The following PTGER4 variants were observed in gnomAD, a reference collection of about 807,000 sequenced individuals.
PTGER4 encodes prostaglandin E2 receptor EP4 subtype.
PTGER4 carries 11 observed loss-of-function variants against 33.2 expected under a neutral mutation model. The observed-to-expected ratio is 0.33, with a 90% CI of 0.21 to 0.55. PTGER4 has a LOEUF of 0.55. Among genes scored for constraint, PTGER4 ranks in the 20% least tolerant of loss-of-function variants. The pLI is 0.92. For missense variants in PTGER4, 481 were observed against 650.2 expected, an observed-to-expected ratio of 0.74 and a Z score of 2.83; for synonymous variants, 275 against 281.5, an observed-to-expected ratio of 0.98 and a Z score of 0.23.
Position 40,692,138 on chromosome 5 carries a change from T to C in PTGER4, c.1227T>C (p.Leu409=), listed in dbSNP as rs1352957154. ...LSLPDLSENG[L]GGRNLLPGVP... is the part of the protein sequence containing the mutation. ...TGCCAGACCTCAGTGAAAATGGCCT[T>C]GGAGGCAGGAATTTGCTTCCAGGTG... Residue 409 remains leucine (L), a synonymous_variant, in exon 3 of 3, where the codon CTT becomes CTC. Coordinates refer to ENST00000302472, the MANE Select transcript of PTGER4 (RefSeq NM_000958.3). The C allele has an allele frequency of 3.7e-6, 6 of 1,614,208 alleles. No individual in the cohort carries two copies. The South Asian group carries it at 4.4e-5, about 12-fold the overall frequency.
the PTGER4 span, among the ~76,000 whole-genome samples, chr5:40,709,498 A>G: frequency 3.3e-5 from 5 of 152,278 alleles, no homozygotes; most frequent in East Asian, 9.6e-4. Flanking sequence ...ACCTCTTCAA[A>G]GAGAACTACA....
chr5:40,706,032 G>A, the PTGER4 span, among the ~76,000 whole-genome samples: 6 of 152,076 alleles, frequency 3.9e-5, no homozygotes, highest in South Asian at 4.1e-4. Context: ...GCATGCAAAC[G>A]TTCATTGCAC....
chr5:40,713,514 C>T, the PTGER4 span, among the ~76,000 whole-genome samples: 1 of 152,102 alleles, frequency 6.6e-6, no homozygotes, highest in Non-Finnish European at 1.5e-5. Flanking sequence ...GTAGATCTGG[C>T]TCCTGTGAGC....
At chr5:40,729,530 A>T in the PTGER4 span, among the ~76,000 whole-genome samples, 2 of 152,292 alleles carry the variant, frequency 1.3e-5, no homozygotes, top group African/African-American at 4.8e-5. Flanking sequence ...ATCTATGCTG[A>T]CCTTTTGCTA....
chr5:40,705,197 C>A, the PTGER4 span, among the ~76,000 whole-genome samples: 2 of 151,920 alleles, frequency 1.3e-5, no homozygotes, highest in African/African-American at 2.4e-5. Flanking sequence ...TGATCTTTGA[C>A]AAAGCTGAAA....
At chr5:40,684,719 A>C (rs1741284494) in intron 2 of PTGER4, among the ~76,000 whole-genome samples, 1 of 152,226 alleles carries the variant, frequency 6.6e-6, no homozygotes, top group Admixed American at 6.5e-5. Flanking sequence ...ATTAATGATC[A>C]GAGAAGGTGT....
chr5:40,706,704 A>G, the PTGER4 span, among the ~76,000 whole-genome samples: 1 of 152,168 alleles, frequency 6.6e-6, no homozygotes, highest in Non-Finnish European at 1.5e-5. Context: ...AAAAATTGTA[A>G]ATTAGACATC....
At chr5:40,718,793 T>C in the PTGER4 span, among the ~76,000 whole-genome samples, 92 of 151,216 alleles carry the variant, frequency 6.1e-4, no homozygotes, top group Middle Eastern at 0.01. Context: ...CCCAGCTAAT[T>C]TGGAGGCTGA....
chr5:40,746,116 G>A, the PTGER4 span, among the ~76,000 whole-genome samples: 1 of 152,052 alleles, frequency 6.6e-6, no homozygotes, highest in East Asian at 1.9e-4. Flanking sequence ...TTTCTCAACA[G>A]AATCTACTAA....
chr5:40,711,156 A>G, the PTGER4 span, among the ~76,000 whole-genome samples: 1 of 152,050 alleles, frequency 6.6e-6, no homozygotes, highest in Non-Finnish European at 1.5e-5. Flanking sequence ...CTTACAGCTC[A>G]TGAAGGACTT....
At chr5:40,694,028 T>TAAC (rs1239446847), downstream of PTGER4, among the ~76,000 whole-genome samples, 6 of 152,280 alleles carry the variant, frequency 3.9e-5, no homozygotes, top group African/African-American at 7.2e-5. Context: ...GCAGTTTTTT[T>TAAC]AACTGCCATT....
At chr5:40,723,454 A>T in the PTGER4 span, among the ~76,000 whole-genome samples, 12 of 152,320 alleles carry the variant, frequency 7.9e-5, no homozygotes, top group South Asian at 4.1e-4. Flanking sequence ...ATTTAAAAAA[A>T]TTTCAATTAA....
chr5:40,716,546 T>A, the PTGER4 span: 7 of 1,236,790 alleles, frequency 5.7e-6, no homozygotes, highest in Non-Finnish European at 6.9e-6. Flanking sequence ...AAAATTAGTA[T>A]GTTTAATACA....
chr5:40,738,567 TATAAAATAAA>T, the PTGER4 span, among the ~76,000 whole-genome samples: 352 of 67,618 alleles, frequency 5.2e-3, 5 homozygotes, highest in African/African-American at 0.014. Context: ...TAAAATAAAA[TATAAAATAAA>T]ATAAAATAAA....
chr5:40,721,643 C>T, the PTGER4 span, among the ~76,000 whole-genome samples: 2 of 151,976 alleles, frequency 1.3e-5, no homozygotes, highest in South Asian at 4.2e-4. Context: ...AGACCTGAAG[C>T]TTACATTGTA....
chr5:40,738,801 G>A, the PTGER4 span, among the ~76,000 whole-genome samples: 2 of 152,002 alleles, frequency 1.3e-5, no homozygotes, highest in African/African-American at 4.8e-5. Context: ...ATGACTAATA[G>A]TGTTGAGCAG....
the PTGER4 span, chr5:40,715,179 G>A: frequency 6.6e-6 from 1 of 151,892 alleles, no homozygotes. Flanking sequence ...ATTTAAAATT[G>A]TAATTATTTT....
the PTGER4 span, among the ~76,000 whole-genome samples, chr5:40,705,864 T>C: frequency 6.6e-6 from 1 of 152,224 alleles, no homozygotes. Context: ...GGGAACCCTA[T>C]ACACTGTTGG....
chr5:40,725,312 C>A, the PTGER4 span, among the ~76,000 whole-genome samples: 1 of 152,066 alleles, frequency 6.6e-6, no homozygotes, highest in African/African-American at 2.4e-5. Flanking sequence ...TAAAAACTCT[C>A]AATCATCTTC....
Sources: allele counts gnomAD v4.1 joint callset (sites outside exome capture counted in the v4.1 genomes callset), GRCh38; gene constraint gnomAD v4.1.1; transcripts MANE v1.5; gene names NCBI Gene and HGNC (gene_info 2026-07-23, HGNC 2026-07-21).